The following RBFOX1 variants were observed in gnomAD, a reference collection of about 807,000 sequenced individuals.
The protein encoded by RBFOX1 is RNA binding protein fox-1 homolog 1.
RBFOX1 carries 8 observed loss-of-function variants against 57.7 expected under a neutral mutation model. The observed-to-expected ratio is 0.14, with a 90% CI of 0.08 to 0.25. The LOEUF is 0.25. Ranked by LOEUF, RBFOX1 falls within the 10% of genes least tolerant of loss-of-function variation. RBFOX1 has a pLI of 1.00. For missense variants in RBFOX1, 611 were observed against 548.5 expected, an observed-to-expected ratio of 1.11 and a Z score of -1.14; for synonymous variants, 326 against 222.4, an observed-to-expected ratio of 1.47 and a Z score of -4.15.
chr16:6,639,834 A>G (rs2098472829), intron 2 of RBFOX1, among the ~76,000 whole-genome samples: 1 of 152,124 alleles, frequency 6.6e-6, no homozygotes, highest in Non-Finnish European at 1.5e-5. Context: ...AGCTGAGATC[A>G]CGCCACTGCA....
At chr16:6,811,025 C>T (rs1334539307) in intron 3 of RBFOX1, among the ~76,000 whole-genome samples, 2 of 152,170 alleles carry the variant, frequency 1.3e-5, no homozygotes, top group African/African-American at 4.8e-5. Flanking sequence ...ACAGAACACA[C>T]ACAGAAAAAC....
chr16:7,003,468 AAAAG>A (rs1272221624), intron 3 of RBFOX1, among the ~76,000 whole-genome samples: 2 of 151,910 alleles, frequency 1.3e-5, no homozygotes, highest in Admixed American at 6.6e-5. Flanking sequence ...TAAAAAAAAA[AAAAG>A]AAAAAATTAT....
chr16:7,258,419 C>T (rs2094783704), intron 4 of RBFOX1, among the ~76,000 whole-genome samples: 1 of 152,112 alleles, frequency 6.6e-6, no homozygotes, highest in Non-Finnish European at 1.5e-5. Context: ...CATTCTGTTT[C>T]ACTGTGTGCA....
intron 14 of RBFOX1, among the ~76,000 whole-genome samples, chr16:7,688,260 T>TGTGAGAGA (rs1319185243): frequency 8.0e-5 from 10 of 125,296 alleles, no homozygotes; most frequent in African/African-American, 3.0e-4. Context: ...TGTGTGTGTG[T>TGTGAGAGA]GAGAGAGAGA....
At chr16:6,569,970 ATTTG>A (rs760129106) in intron 2 of RBFOX1, among the ~76,000 whole-genome samples, 16 of 152,038 alleles carry the variant, frequency 1.1e-4, no homozygotes, top group Admixed American at 7.2e-4. Flanking sequence ...CCTGCCGGTA[ATTTG>A]TTTGAGAAGA....
intron 4 of RBFOX1, among the ~76,000 whole-genome samples, chr16:7,388,178 A>G (rs1597179617): frequency 6.6e-6 from 1 of 152,192 alleles, no homozygotes; most frequent in Non-Finnish European, 1.5e-5. Flanking sequence ...GCATGGAGCT[A>G]GAAAAGATTA....
chr16:7,507,103 G>C (rs1467038635), intron 4 of RBFOX1, among the ~76,000 whole-genome samples: 1 of 152,118 alleles, frequency 6.6e-6, no homozygotes, highest in Non-Finnish European at 1.5e-5. Flanking sequence ...CTTGCCAATA[G>C]TTTCACCATT....
At chr16:7,226,889 G>T (rs1011850190) in intron 4 of RBFOX1, among the ~76,000 whole-genome samples, 1 of 152,202 alleles carries the variant, frequency 6.6e-6, no homozygotes, top group Non-Finnish European at 1.5e-5. Flanking sequence ...ATAACTTGCA[G>T]ATACAGTGGG....
intron 2 of RBFOX1, among the ~76,000 whole-genome samples, chr16:5,547,038 G>T (rs964748943): frequency 1.3e-5 from 2 of 152,106 alleles, no homozygotes; most frequent in Non-Finnish European, 2.9e-5. Context: ...TACAAGTTAA[G>T]ACCACAATGA....
intron 3 of RBFOX1, among the ~76,000 whole-genome samples, chr16:6,909,155 G>C (rs188530216): frequency 6.6e-6 from 1 of 152,192 alleles, no homozygotes; most frequent in South Asian, 2.1e-4. Context: ...AACGTCAACA[G>C]TGTTGCATTT....
At chr16:6,879,032 G>A (rs1408699236) in intron 3 of RBFOX1, among the ~76,000 whole-genome samples, 1 of 152,148 alleles carries the variant, frequency 6.6e-6, no homozygotes, top group Non-Finnish European at 1.5e-5. Flanking sequence ...TAAACCATTT[G>A]ACCACACGTG....
At position 6,240,695 on chromosome 16, in the gene RBFOX1, T is replaced by G. The variant is rs769079116; in HGVS notation, c.-126-76300T>G. ...GATTTTCTTTTTCCTAAAAAAAAAATGCCATTGCTGTAGGGAAGGGGTTCA... is the reference window on the plus strand; with the variant it reads ...GATTTTCTTTTTCCTAAAAAAAAAAGGCCATTGCTGTAGGGAAGGGGTTCA... On this transcript the variant is annotated intron_variant, in intron 1 of 15. Transcript: ENST00000550418. Among the ~76,000 whole-genome samples, 89 of 148,832 alleles carry G rather than the reference T, an allele frequency of 6.0e-4. 1 individual carries two copies. Among genetic ancestry groups the G allele is most frequent in the South Asian group, 5.1e-3 (24 of 4,692 alleles).
chr16:5,599,100 G>C, exon 3 of RBFOX1: 1 of 856,168 alleles, frequency 1.2e-6, no homozygotes, highest in Non-Finnish European at 1.9e-6. Flanking sequence ...AACTGGGTTT[G>C]AGGGGAATAA....
At chr16:6,768,463 C>T (rs1448674078) in intron 3 of RBFOX1, among the ~76,000 whole-genome samples, 2 of 151,804 alleles carry the variant, frequency 1.3e-5, no homozygotes, top group Non-Finnish European at 2.9e-5. Context: ...CCCCCCCAGC[C>T]CACACAAGCC....
chr16:7,133,231 T>G (rs1302650115), intron 4 of RBFOX1, among the ~76,000 whole-genome samples: 1 of 152,184 alleles, frequency 6.6e-6, no homozygotes, highest in Non-Finnish European at 1.5e-5. Flanking sequence ...AAAATTATTT[T>G]CAATATATGA....
chr16:7,505,895 T>C (rs866232100), intron 4 of RBFOX1, among the ~76,000 whole-genome samples: 1 of 152,132 alleles, frequency 6.6e-6, no homozygotes, highest in East Asian at 1.9e-4. Context: ...GTTCAAGAGA[T>C]AATTTTCTGG....
intron 5 of RBFOX1, among the ~76,000 whole-genome samples, chr16:7,561,320 A>T (rs544067753): frequency 6.6e-6 from 1 of 152,208 alleles, no homozygotes; most frequent in Non-Finnish European, 1.5e-5. Context: ...TATTCACTCT[A>T]TGGCCCTTTA....
intron 4 of RBFOX1, among the ~76,000 whole-genome samples, chr16:7,421,809 G>T (rs1568802030): frequency 6.6e-6 from 1 of 152,226 alleles, no homozygotes; most frequent in Non-Finnish European, 1.5e-5. Context: ...GCAAAATAAT[G>T]ATGGGGCACT....
intron 3 of RBFOX1, among the ~76,000 whole-genome samples, chr16:5,633,179 C>T (rs886064248): frequency 2.0e-5 from 3 of 151,974 alleles, no homozygotes; most frequent in Non-Finnish European, 2.9e-5. Flanking sequence ...CCTCGTGATC[C>T]AGCTGCCTCG....
Sources: gnomAD v4.1 joint callset for allele counts (sites outside exome capture counted in the v4.1 genomes callset) on GRCh38, gnomAD v4.1.1 for gene constraint, MANE v1.5 for transcripts, NCBI Gene and HGNC (gene_info 2026-07-23, HGNC 2026-07-21) for gene names.